KDM5C: variants seen among roughly 807,000 people sequenced by gnomAD.
KDM5C encodes lysine demethylase 5C.
A neutral mutation model predicts 110.6 loss-of-function variants in KDM5C; 16 were observed. The ratio of observed to expected loss-of-function variants is 0.14; its 90% CI spans 0.10 to 0.22. KDM5C has a LOEUF of 0.22. KDM5C is among the 10% of genes least tolerant of loss of function. The pLI, the probability that KDM5C is intolerant of heterozygous loss-of-function variation, is 1.00. For synonymous variants in KDM5C, 511 were observed against 520.4 expected, an observed-to-expected ratio of 0.98 and a Z score of 0.24; for missense variants, 681 against 1,300.9, an observed-to-expected ratio of 0.52 and a Z score of 7.33.
chrX:53,181,819 C>T (rs1252402194), intron 25 of KDM5C, among the ~76,000 whole-genome samples: 74 of 107,503 alleles, frequency 6.9e-4, no homozygotes, highest in Non-Finnish European at 1.2e-3. Context: ...GACGGAGTCT[C>T]GCTCTGTCTC....
chrX:53,212,022 A>G (rs782607256), intron 8 of KDM5C, 116 bp from the exon 9 acceptor site: 74 of 882,377 alleles, frequency 8.4e-5, no homozygotes, highest in Non-Finnish European at 1.0e-4. Flanking sequence ...TCTGCACTCA[A>G]GGCCCCTGAG....
Position 53,194,621 on chromosome X carries a change from A to T in KDM5C, c.3556T>A (p.Ser1186Thr), listed in dbSNP as rs782816738. 1 of 1,211,634 alleles carries T rather than the reference A, an allele frequency of 8.3e-7. No homozygotes were observed. Among genetic ancestry groups the T allele is most frequent in the South Asian group, 1.8e-5 (1 of 56,955 alleles). ...ASSSTASSTT[S>T]ICVCGQVLAG... ...AGCACCTGCCCACACACACAGATAG[A>T]GGTTGTAGAGGAGGCCGTGCTCGAT... The change falls in exon 23 of 26, where the codon TCT becomes ACT. Residue 1186 changes from serine to threonine, a missense_variant. This residue lies in a region of KDM5C where 48 missense variants were observed against 59.7 expected (regional missense o/e 0.80). Coordinates refer to ENST00000375401, the MANE Select transcript of KDM5C (RefSeq NM_004187.5).
chrX:53,198,967 C>A lies in KDM5C; in HGVS notation c.2243+10G>T. ...CTTGCCCCACTTCCTCCAGAAAGGCCCATGCTCACCGCAGGTACTGCCGGC... is the reference window on the plus strand; with the variant it reads ...CTTGCCCCACTTCCTCCAGAAAGGCACATGCTCACCGCAGGTACTGCCGGC... On this transcript the variant is annotated intron_variant, in intron 15 of 25. Transcript: ENST00000375401. 8.3e-7 allele frequency: 1 copy of A among 1,211,927 alleles called. No homozygotes were observed. Among genetic ancestry groups the A allele is most frequent in the Non-Finnish European group, 1.1e-6 (1 of 895,421 alleles).
chrX:53,206,189 C>G (rs782643012), intron 12 of KDM5C, among the ~76,000 whole-genome samples: 5 of 112,173 alleles, frequency 4.5e-5, no homozygotes, highest in Non-Finnish European at 9.4e-5. Context: ...GTGGATGAAC[C>G]CCAAAAACAT....
chrX:53,218,699 C>T (rs1556853313), intron 2 of KDM5C: 2 of 401,592 alleles, frequency 5.0e-6, no homozygotes, highest in South Asian at 5.3e-5. Flanking sequence ...CCTCAGCCTC[C>T]TGAGTAGCTG....
intron 8 of KDM5C, among the ~76,000 whole-genome samples, chrX:53,213,499 AG>A (rs1427073792): frequency 8.9e-6 from 1 of 111,775 alleles, no homozygotes; most frequent in Non-Finnish European, 1.9e-5. Flanking sequence ...GGGTGAAGGT[AG>A]GAAGTTCATG....
intron 25 of KDM5C, among the ~76,000 whole-genome samples, chrX:53,181,340 T>C (rs1380775988): frequency 9.1e-6 from 1 of 110,076 alleles, no homozygotes; most frequent in Non-Finnish European, 1.9e-5. Flanking sequence ...AGACTAGGAA[T>C]AGGAACATCA....
intron 8 of KDM5C, 121 bp from the exon 9 acceptor site, chrX:53,212,027 C>T: frequency 2.3e-6 from 2 of 861,067 alleles, no homozygotes; most frequent in Non-Finnish European, 3.4e-6. Context: ...ACTCAAGGCC[C>T]CTGAGGCAGG....
At chrX:53,218,084 G>T in intron 3 of KDM5C, 118 bp from the exon 4 acceptor site, 1 of 908,657 alleles carries the variant, frequency 1.1e-6, no homozygotes, top group African/African-American at 1.9e-5. Context: ...ACTTCACTGG[G>T]GGCTATCCCC....
intron 1 of KDM5C, 56 bp downstream of exon 1, chrX:53,224,684 C>T (rs2073992005): frequency 8.4e-7 from 1 of 1,196,478 alleles, no homozygotes; most frequent in Non-Finnish European, 1.1e-6. Flanking sequence ...TCGCCGCTGG[C>T]TATCCTACTG....
At chrX:53,203,057 C>T (rs1242631794) in intron 12 of KDM5C, among the ~76,000 whole-genome samples, 1 of 111,094 alleles carries the variant, frequency 9.0e-6, no homozygotes, top group African/African-American at 3.3e-5. Context: ...CCGCCCGCCT[C>T]GGCCTCCCAA....
At chrX:53,221,783 G>A in intron 1 of KDM5C, 1 of 959,470 alleles carries the variant, frequency 1.0e-6, no homozygotes, top group Non-Finnish European at 1.4e-6. Context: ...GGTAAGTGCT[G>A]GGATGCCTGA....
chrX:53,224,644 C>T, intron 1 of KDM5C, 96 bp downstream of exon 1: 1 of 1,072,865 alleles, frequency 9.3e-7, no homozygotes, highest in Non-Finnish European at 1.3e-6. Context: ...ACCCCCTCTC[C>T]CCACCTCGAG....
chrX:53,182,090 T>C (rs782018506), intron 25 of KDM5C, among the ~76,000 whole-genome samples: 1 of 107,362 alleles, frequency 9.3e-6, no homozygotes, highest in African/African-American at 3.5e-5. Flanking sequence ...TTTTTGTTTT[T>C]TTTTTTTTTT....
intron 25 of KDM5C, among the ~76,000 whole-genome samples, chrX:53,181,675 CAAAAAAA>C (rs60649092): frequency 1.9e-4 from 10 of 52,649 alleles, no homozygotes; most frequent in East Asian, 1.4e-3. Context: ...GACCATGTCT[CAAAAAAA>C]AAAAAAAAAA....
downstream of KDM5C, among the ~76,000 whole-genome samples, chrX:53,188,939 T>C (rs894160547): frequency 3.6e-5 from 4 of 111,328 alleles, no homozygotes; most frequent in Non-Finnish European, 5.7e-5. Flanking sequence ...TGAGTCAGCT[T>C]GAAAGCAGAT....
rs1934554489 is a variant in KDM5C, at chrX:53,193,237, G to A, written c.4413C>T (p.Asp1471=). The change falls in exon 26 of 26, where the codon GAC becomes GAT. Residue 1471 remains aspartate (D), a synonymous_variant. Coordinates refer to ENST00000375401, the MANE Select transcript of KDM5C (RefSeq NM_004187.5). ...RKVDRGGEGD[D]PAREELEPKR... ...TTGGCTCTAGCTCCTCTCGGGCTGG[G>A]TCATCGCCCTCCCCACCCCGATCCA... The A allele has an allele frequency of 8.3e-7, 1 of 1,209,273 alleles. No homozygotes were observed. The highest frequency in any genetic ancestry group is 2.3e-4 in the Middle Eastern group (1 of 4,355).
rs1556834916 is a variant in KDM5C at position 53,194,715 on chromosome X, T to C, written c.3462A>G (p.Glu1154=). 4.1e-6 allele frequency: 5 copies of C among 1,210,236 alleles called. No homozygotes were observed. Among genetic ancestry groups the C allele is most frequent in the East Asian group, 5.9e-5 (2 of 33,776 alleles). ...GCAGGATACCCTCCTTCTCCTTCTG[T>C]TCCCCCTCCTTGAAGGCCACGATCT... is the stretch of plus-strand genomic sequence containing the variant. ...GSVIVAFKEG[E]QKEKEGILQL... is the part of the protein sequence containing the mutation. The change falls in exon 23 of 26, where the codon GAA becomes GAG. Residue 1154 remains glutamate, a synonymous_variant. Coordinates refer to ENST00000375401, the MANE Select transcript of KDM5C (RefSeq NM_004187.5).
At chrX:53,214,275 G>GAA (rs1171033059) in intron 8 of KDM5C, 17 of 111,284 alleles carry the variant, frequency 1.5e-4, no homozygotes, top group East Asian at 2.4e-4. Context: ...TTCTAAAAAA[G>GAA]AAAAAAAAAA....
Sources: allele counts gnomAD v4.1 joint callset (sites outside exome capture counted in the v4.1 genomes callset), GRCh38; gene constraint gnomAD v4.1.1; regional missense constraint gnomAD v4.1.1; transcripts MANE v1.5; gene names NCBI Gene and HGNC (gene_info 2026-07-23, HGNC 2026-07-21).